Variants in MAGED1 observed in about 807,000 individuals in gnomAD.
MAGED1 encodes the protein melanoma-associated antigen D1.
In MAGED1, 3 loss-of-function variants were observed where a neutral mutation model predicts 54.1. That is an observed-to-expected ratio of 0.06 (90% confidence interval 0.03 to 0.14). The LOEUF is 0.14. Ranked by LOEUF, MAGED1 falls within the 10% of genes least tolerant of loss-of-function variation. MAGED1 has a pLI of 1.00. For missense variants in MAGED1, 485 were observed against 623.4 expected, an observed-to-expected ratio of 0.78 and a Z score of 2.36; for synonymous variants, 217 against 227.3, an observed-to-expected ratio of 0.95 and a Z score of 0.41.
At chrX:51,814,177 A>G (rs1036092311) in intron 1 of MAGED1, among the ~76,000 whole-genome samples, 2 of 111,693 alleles carry the variant, frequency 1.8e-5, no homozygotes, top group African/African-American at 6.5e-5. Context: ...AGAAACAGCT[A>G]TTATGTGGCT....
intron 1 of MAGED1, among the ~76,000 whole-genome samples, chrX:51,871,229 C>T (rs1323054584): frequency 9.1e-6 from 1 of 109,894 alleles, no homozygotes; most frequent in Non-Finnish European, 1.9e-5. Context: ...TTTCCAGAGT[C>T]GTTTTACACC....
At chrX:51,830,171 G>A (rs1926008358) in intron 1 of MAGED1, among the ~76,000 whole-genome samples, 1 of 111,699 alleles carries the variant, frequency 9.0e-6, no homozygotes, top group Non-Finnish European at 1.9e-5. Flanking sequence ...AATGCTGATT[G>A]AGAAAAGTGA....
At chrX:51,900,087 A>T in intron 10 of MAGED1, 95 bp from the exon 11 acceptor site, 2 of 553,644 alleles carry the variant, frequency 3.6e-6, no homozygotes, top group Non-Finnish European at 6.2e-6. Flanking sequence ...GGGAGTTGCT[A>T]TCTGAAATCT....
At chrX:51,846,234 T>G (rs1557359268) in intron 1 of MAGED1, among the ~76,000 whole-genome samples, 2 of 111,405 alleles carry the variant, frequency 1.8e-5, no homozygotes, top group Admixed American at 9.5e-5. Flanking sequence ...GATATTAAGG[T>G]GGGGAGATTA....
intron 1 of MAGED1, among the ~76,000 whole-genome samples, chrX:51,848,162 ATTCTTTTTT>A (rs1926754361): frequency 1.8e-5 from 2 of 111,692 alleles, no homozygotes; most frequent in South Asian, 7.4e-4. Context: ...TTGACTGGCC[ATTCTTTTTT>A]CATCTTCTGT....
At chrX:51,872,594 C>A (rs1927721408) in intron 1 of MAGED1, among the ~76,000 whole-genome samples, 1 of 111,061 alleles carries the variant, frequency 9.0e-6, no homozygotes, top group Non-Finnish European at 1.9e-5. Flanking sequence ...TCTTTCTTAC[C>A]AACTTGTCTT....
chrX:51,900,874 T>A (rs1928990513), intron 11 of MAGED1, among the ~76,000 whole-genome samples: 1 of 112,592 alleles, frequency 8.9e-6, no homozygotes. Context: ...CCTCAAGTGA[T>A]CTGCCTGCCT....
At chrX:51,840,607 C>G (rs1186885640) in intron 1 of MAGED1, among the ~76,000 whole-genome samples, 16 of 107,757 alleles carry the variant, frequency 1.5e-4, no homozygotes, top group African/African-American at 5.1e-4. Flanking sequence ...ACAACGGTCC[C>G]CAGAGTGTGA....
chrX:51,896,695 C>A lies in MAGED1; in HGVS notation c.1040C>A (p.Pro347Gln). The change falls in exon 4 of 13, where the codon CCA becomes CAA. Residue 347 changes from proline to glutamine, a missense_variant. By Grantham distance (76) the Pro-to-Gln change is moderately conservative. This residue lies in a region of MAGED1 where 299 missense variants were observed against 293.1 expected (regional missense o/e 1.02). Transcript: ENST00000326587. Reference sequence around the variant, plus strand: ...CAGAACCCAGTGATTTGGCCAAACCCAGTAATCTGGCAGAACCCAGTGATC... The same window carrying A: ...CAGAACCCAGTGATTTGGCCAAACCAAGTAATCTGGCAGAACCCAGTGATC... ...AWQNPVIWPN[P>Q]VIWQNPVIWP... is the part of the protein sequence containing the mutation. The A allele has an allele frequency of 1.6e-6, 2 of 1,212,168 alleles. No homozygotes were observed. The highest frequency in any genetic ancestry group is 2.2e-6 in the Non-Finnish European group (2 of 895,590).
At chrX:51,855,773 G>T (rs1927062734) in intron 1 of MAGED1, among the ~76,000 whole-genome samples, 1 of 110,899 alleles carries the variant, frequency 9.0e-6, no homozygotes, top group Non-Finnish European at 1.9e-5. Flanking sequence ...TGATCTGCCC[G>T]CCTCGGCCTC....
chrX:51,895,086 A>T lies in MAGED1; in HGVS notation c.79A>T (p.Met27Leu). 2 of 1,211,490 alleles carry T rather than the reference A, an allele frequency of 1.7e-6. No homozygotes were observed. Among genetic ancestry groups the T allele is most frequent in the African/African-American group, 1.7e-5 (1 of 57,814 alleles). Residue 27 changes from methionine (M) to leucine (L), a missense_variant, in exon 3 of 13, where the codon ATG becomes TTG. By Grantham distance (15) the Met-to-Leu change is conservative. Coordinates refer to ENST00000326587, the MANE Select transcript of MAGED1 (RefSeq NM_006986.4). The part of the protein sequence containing the change: ...EASVEDSALL[M>L]QTLMEAIQIS... ...CTCCGTAGAAGACAGCGCCTTGCTT[A>T]TGCAGACCTTGATGGAGGCCATCCA... is the stretch of plus-strand genomic sequence containing the variant.
chrX:51,827,504 A>G (rs782644219), intron 1 of MAGED1, among the ~76,000 whole-genome samples: 5 of 111,864 alleles, frequency 4.5e-5, no homozygotes, highest in Non-Finnish European at 9.4e-5. Flanking sequence ...AGAATGTACA[A>G]CACTGAGAGT....
At chrX:51,894,163 C>T in intron 1 of MAGED1, 106 bp from the exon 2 acceptor site, 1 of 479,367 alleles carries the variant, frequency 2.1e-6, no homozygotes, top group Middle Eastern at 3.6e-4. Flanking sequence ...CGTTCCTCCT[C>T]ACATTCACCT....
intron 1 of MAGED1, among the ~76,000 whole-genome samples, chrX:51,883,869 A>C (rs782444219): frequency 8.9e-6 from 1 of 112,156 alleles, no homozygotes; most frequent in East Asian, 2.8e-4. Flanking sequence ...AAACCTCAGT[A>C]GATGAACTCA....
chrX:51,882,610 A>AG (rs1491150707), intron 1 of MAGED1, among the ~76,000 whole-genome samples: 6 of 73,559 alleles, frequency 8.2e-5, no homozygotes, highest in Non-Finnish European at 1.6e-4. Context: ...GGGCACAGAC[A>AG]AAAAAAAAAA....
chrX:51,849,130 A>C (rs987707762), intron 1 of MAGED1, among the ~76,000 whole-genome samples: 12 of 110,656 alleles, frequency 1.1e-4, no homozygotes, highest in Non-Finnish European at 2.3e-4. Flanking sequence ...GATCTTACTT[A>C]ATTTTTTTCT....
Position 51,898,117 on chromosome X carries a change from C to G in MAGED1, c.1662C>G (p.Thr554=). ...TATTCTTTCTATATTCCCTTAGGACCAAAGACACACCCAAGCTCGGTCTCC... is the reference window on the plus strand; with the variant it reads ...TATTCTTTCTATATTCCCTTAGGACGAAAGACACACCCAAGCTCGGTCTCC... ...PESLAGILGT[T]KDTPKLGLLL... Residue 554 remains threonine, a synonymous_variant, in exon 8 of 13, where the codon ACC becomes ACG. Coordinates refer to ENST00000326587, the MANE Select transcript of MAGED1 (RefSeq NM_006986.4). The G allele has an allele frequency of 8.3e-7, 1 of 1,207,303 alleles. No homozygotes were observed. The highest frequency in any genetic ancestry group is 1.1e-6 in the Non-Finnish European group (1 of 891,691).
At chrX:51,838,678 T>C (rs1465676958) in intron 1 of MAGED1, among the ~76,000 whole-genome samples, 1 of 111,741 alleles carries the variant, frequency 8.9e-6, no homozygotes, top group African/African-American at 3.3e-5. Context: ...GAAGCAGACT[T>C]AGGACCGATG....
Position 51,896,520 on chromosome X carries a change from G to C in MAGED1, c.865G>C (p.Gly289Arg), listed in dbSNP as rs782723158. Residue 289 changes from glycine (G) to arginine (R), a missense_variant, in exon 4 of 13, where the codon GGC (glycine) becomes CGC (arginine). Physicochemically the swap from Gly to Arg is moderately radical, Grantham distance 125 (BLOSUM62 -2). Around this residue, in one of 2 missense-constraint regions of MAGED1, gnomAD observed 299 missense variants for 293.1 expected, o/e 1.02. Coordinates refer to ENST00000326587, the MANE Select transcript of MAGED1 (RefSeq NM_006986.4). ...TCCAGTGACCACTCAGAACCCACCTGGCGCACCCCCCAATGTGCTCTGGCA... is the reference window on the plus strand; with the variant it reads ...TCCAGTGACCACTCAGAACCCACCTCGCGCACCCCCCAATGTGCTCTGGCA... ...PVPVTTQNPP[G>R]APPNVLWQTP... is the part of the protein sequence containing the mutation. 17 of 1,210,205 alleles carry C rather than the reference G, an allele frequency of 1.4e-5. No individual in the cohort carries two copies. The East Asian group carries it at 4.1e-4, about 30-fold the overall frequency.
Sources: gnomAD v4.1 joint callset for allele counts (sites outside exome capture counted in the v4.1 genomes callset) on GRCh38, gnomAD v4.1.1 for gene constraint, gnomAD v4.1.1 regional missense constraint, MANE v1.5 for transcripts, NCBI Gene and HGNC (gene_info 2026-07-23, HGNC 2026-07-21) for gene names.